GPHN: variants seen among roughly 807,000 people sequenced by gnomAD.
GPHN encodes gephyrin.
Under a neutral mutation model 95.5 loss-of-function variants are expected in GPHN, and 17 were observed. That is an observed-to-expected ratio of 0.18 (90% CI 0.12 to 0.27). The LOEUF is 0.27. Among genes scored for constraint, GPHN ranks in the 10% least tolerant of loss-of-function variants. The probability of loss-of-function intolerance (pLI) is 1.00; values close to 1 mark genes in which losing one functional copy is unlikely to be tolerated. For missense variants in GPHN, 660 were observed against 978.1 expected (o/e 0.67, Z 4.34); for synonymous variants, 320 against 322.5 (o/e 0.99, Z 0.08).
intron 2 of GPHN, among the ~76,000 whole-genome samples, chr14:66,699,356 TTAAAA>T (rs1053562744): frequency 1.3e-5 from 2 of 151,292 alleles, no homozygotes; most frequent in African/African-American, 2.4e-5. Flanking sequence ...ATAATAATAA[TTAAAA>T]TAAATAAATA....
In GPHN at chr14:67,143,239, C is replaced by T. The variant is rs1372201759; in HGVS notation, c.1749-123C>T. 3 of 736,980 alleles carry T rather than the reference C, an allele frequency of 4.1e-6. No homozygotes were observed. In the East Asian group the frequency reaches 7.6e-5, roughly 19 times the overall value. The allele number at this position is 736,980 out of a possible 1,614,324, so 45.7% of individuals were successfully genotyped here. On this transcript the variant is annotated intron_variant, in intron 17 of 22. Coordinates refer to ENST00000478722, the MANE Select transcript of GPHN (RefSeq NM_020806.5). ...AGACCCTTTTGATTCCCACTTCATACAGAATATAGTGCTGTACTCATGTTA... is the reference window on the plus strand; with the variant it reads ...AGACCCTTTTGATTCCCACTTCATATAGAATATAGTGCTGTACTCATGTTA...
the GPHN span, among the ~76,000 whole-genome samples, chr14:67,200,798 C>T: frequency 6.6e-6 from 1 of 152,164 alleles, no homozygotes; most frequent in Non-Finnish European, 1.5e-5. Flanking sequence ...TGTGCTGTTT[C>T]CAAGTTAGTT....
At chr14:66,623,966 C>G (rs995733518) in intron 1 of GPHN, among the ~76,000 whole-genome samples, 2 of 152,290 alleles carry the variant, frequency 1.3e-5, no homozygotes, top group Non-Finnish European at 2.9e-5. Context: ...GAGGAAACAA[C>G]TGCAGGGTTT....
the GPHN span, among the ~76,000 whole-genome samples, chr14:67,713,987 A>AATG: frequency 2.0e-5 from 3 of 152,284 alleles, no homozygotes; most frequent in South Asian, 6.2e-4. Flanking sequence ...CTTTGAATAG[A>AATG]ATGGGAGGCA....
the GPHN span, among the ~76,000 whole-genome samples, chr14:67,549,431 C>T: frequency 1.1e-4 from 16 of 152,104 alleles, no homozygotes; most frequent in Admixed American, 1.0e-3. Context: ...CCACCACGCC[C>T]AGCTAATTTT....
chr14:67,100,802 T>G, intron 12 of GPHN, 54 bp from the exon 13 acceptor site: 1 of 1,140,594 alleles, frequency 8.8e-7, no homozygotes, highest in Non-Finnish European at 1.3e-6. Context: ...AGGTTCTTGT[T>G]CCATGCTGTA....
At chr14:67,075,790 T>C (rs1467675547) in intron 11 of GPHN, among the ~76,000 whole-genome samples, 3 of 152,176 alleles carry the variant, frequency 2.0e-5, no homozygotes, top group Non-Finnish European at 4.4e-5. Flanking sequence ...TGTGACTGAA[T>C]TGCTGCAATC....
the GPHN span, among the ~76,000 whole-genome samples, chr14:67,214,979 G>T: frequency 1.3e-5 from 2 of 152,072 alleles, no homozygotes; most frequent in Non-Finnish European, 2.9e-5. Context: ...TCTGTTATTG[G>T]TGTATAAGAA....
the GPHN span, chr14:67,734,554 G>A: frequency 1.3e-5 from 2 of 155,644 alleles, no homozygotes; most frequent in Non-Finnish European, 2.8e-5. Flanking sequence ...CCCAGCCACG[G>A]GAATTGGGAA....
At chr14:66,757,388 A>G (rs948683698) in intron 2 of GPHN, among the ~76,000 whole-genome samples, 1 of 151,864 alleles carries the variant, frequency 6.6e-6, no homozygotes, top group Non-Finnish European at 1.5e-5. Flanking sequence ...TATAAGTGCA[A>G]TTGCATTTAT....
intron 3 of GPHN, among the ~76,000 whole-genome samples, chr14:66,776,995 T>C (rs928587509): frequency 2.0e-5 from 3 of 151,908 alleles, no homozygotes; most frequent in African/African-American, 7.3e-5. Flanking sequence ...CACTAACTCG[T>C]CATCTAGCTT....
intron 18 of GPHN, among the ~76,000 whole-genome samples, chr14:67,153,534 C>T (rs2081403521): frequency 6.6e-6 from 1 of 152,148 alleles, no homozygotes; most frequent in East Asian, 1.9e-4. Flanking sequence ...TTCCCAAAGC[C>T]CCCACCATCA....
the GPHN span, among the ~76,000 whole-genome samples, chr14:67,368,176 A>G: frequency 6.6e-6 from 1 of 152,170 alleles, no homozygotes; most frequent in African/African-American, 2.4e-5. Context: ...CTTTTGTTGG[A>G]GTTTCTGCAG....
the GPHN span, among the ~76,000 whole-genome samples, chr14:67,460,737 C>T: frequency 6.6e-6 from 1 of 152,048 alleles, no homozygotes; most frequent in Non-Finnish European, 1.5e-5. Flanking sequence ...GCTCTTTACC[C>T]CATGTAGTAG....
chr14:66,595,463 A>G (rs1056731261), intron 1 of GPHN, among the ~76,000 whole-genome samples: 4 of 152,166 alleles, frequency 2.6e-5, no homozygotes, highest in African/African-American at 9.7e-5. Context: ...TCTGCCTGGC[A>G]GGATACACTC....
chr14:67,575,689 A>C, the GPHN span: 82 of 751,926 alleles, frequency 1.1e-4, no homozygotes, highest in Non-Finnish European at 1.7e-4. Flanking sequence ...CTGGGATGCT[A>C]TAGTCTCCAC....
At chr14:66,553,238 G>GC (rs1367824196) in intron 1 of GPHN, among the ~76,000 whole-genome samples, 1 of 152,004 alleles carries the variant, frequency 6.6e-6, no homozygotes, top group Non-Finnish European at 1.5e-5. Context: ...CAATCTGCCC[G>GC]CCTCGGCCTC....
the GPHN span, among the ~76,000 whole-genome samples, chr14:67,302,914 G>A: frequency 6.6e-6 from 1 of 152,000 alleles, no homozygotes. Flanking sequence ...ATGATTTTTT[G>A]TGTTCTTTTA....
intron 2 of GPHN, among the ~76,000 whole-genome samples, chr14:66,681,936 A>C (rs937013974): frequency 6.6e-6 from 1 of 152,212 alleles, no homozygotes; most frequent in Non-Finnish European, 1.5e-5. Flanking sequence ...TGATACATAT[A>C]ATGCATACAA....
Sources: gnomAD v4.1 joint callset for allele counts (sites outside exome capture counted in the v4.1 genomes callset) on GRCh38, gnomAD v4.1.1 for gene constraint, MANE v1.5 for transcripts, NCBI Gene and HGNC (gene_info 2026-07-23, HGNC 2026-07-21) for gene names.